The following HMGXB4 variants were observed in gnomAD, a reference collection of about 807,000 sequenced individuals.
HMGXB4 encodes the protein HMG-box containing 4.
HMGXB4 carries 27 observed loss-of-function variants against 63.9 expected under a neutral mutation model. The observed-to-expected ratio is 0.42, with a 90% CI of 0.31 to 0.58. HMGXB4 has a LOEUF of 0.58. HMGXB4 is among the 20% of genes least tolerant of loss of function. HMGXB4 has a pLI of 0.13. For missense variants in HMGXB4, 624 were observed against 700.7 expected (o/e 0.89, Z 1.24); for synonymous variants, 264 against 265.3 (o/e 0.99, Z 0.05).
At chr22:35,267,208 C>CA (rs1923318752) in intron 5 of HMGXB4, among the ~76,000 whole-genome samples, 2 of 149,386 alleles carry the variant, frequency 1.3e-5, no homozygotes, top group South Asian at 4.2e-4. Flanking sequence ...CTGTTTATCT[C>CA]AAAAAAACCA....
In HMGXB4 at chr22:35,257,536, G is replaced by T. The variant is rs574340435; in HGVS notation, c.-90G>T. 6.5e-6 allele frequency: 1 copy of T among 152,888 alleles called. No individual in the cohort carries two copies. Among genetic ancestry groups the T allele is most frequent in the Non-Finnish European group, 1.5e-5 (1 of 68,256 alleles). The allele number at this position is 152,888 out of a possible 1,614,324, so 9.5% of individuals were successfully genotyped here. On this transcript the variant is annotated 5_prime_UTR_variant, in exon 1 of 11. Transcript: ENST00000216106. Reference sequence around the variant, plus strand: ...GCGGCGATCGGCGGCGTTGAGGCGGGATCCGGGCGAGCCGAGTGAAGGTAG... The same window carrying T: ...GCGGCGATCGGCGGCGTTGAGGCGGTATCCGGGCGAGCCGAGTGAAGGTAG...
intron 5 of HMGXB4, among the ~76,000 whole-genome samples, chr22:35,275,106 ATTTCTTTTT>A (rs1569000862): frequency 8.4e-6 from 1 of 119,338 alleles, no homozygotes; most frequent in Non-Finnish European, 1.7e-5. Flanking sequence ...ACATCACCAA[ATTTCTTTTT>A]TTTTTTTTTT....
intron 6 of HMGXB4, among the ~76,000 whole-genome samples, chr22:35,284,629 C>T (rs556137915): frequency 2.6e-4 from 39 of 152,306 alleles, no homozygotes; most frequent in African/African-American, 8.7e-4. Context: ...GTATTGAATA[C>T]TGTACTGAAA....
chr22:35,256,262 C>G (rs1002264587), upstream of HMGXB4, among the ~76,000 whole-genome samples: 3 of 152,174 alleles, frequency 2.0e-5, no homozygotes, highest in African/African-American at 7.2e-5. Context: ...GGAAAATACA[C>G]TAGGACAGAG....
intron 6 of HMGXB4, among the ~76,000 whole-genome samples, chr22:35,285,520 G>A (rs1279316628): frequency 6.6e-6 from 1 of 152,276 alleles, no homozygotes; most frequent in East Asian, 1.9e-4. Flanking sequence ...ACTCCAGCCT[G>A]GGCGACAGAG....
intron 5 of HMGXB4, among the ~76,000 whole-genome samples, chr22:35,270,575 C>A (rs1923546175): frequency 6.6e-6 from 1 of 152,178 alleles, no homozygotes; most frequent in African/African-American, 2.4e-5. Flanking sequence ...AGGTTGAGGA[C>A]CGCTGACCTA....
chr22:35,281,478 A>G (rs1485830227), intron 5 of HMGXB4, among the ~76,000 whole-genome samples: 2 of 152,202 alleles, frequency 1.3e-5, no homozygotes, highest in Admixed American at 6.5e-5. Context: ...ATTTGGATCT[A>G]TAGTATATTG....
chr22:35,286,201 G>A (rs1924567319), intron 7 of HMGXB4, 140 bp downstream of exon 7: 3 of 642,334 alleles, frequency 4.7e-6, no homozygotes, highest in Admixed American at 6.1e-5. Context: ...TTTAGCAGAG[G>A]ACATTAACAC....
chr22:35,273,045 A>G (rs1923704382), intron 5 of HMGXB4, among the ~76,000 whole-genome samples: 1 of 152,220 alleles, frequency 6.6e-6, no homozygotes, highest in Admixed American at 6.5e-5. Context: ...AGGGCCAGGT[A>G]GCCTAATGCC....
intron 5 of HMGXB4, among the ~76,000 whole-genome samples, chr22:35,266,598 A>T (rs1362565861): frequency 6.6e-6 from 1 of 152,226 alleles, no homozygotes; most frequent in Non-Finnish European, 1.5e-5. Flanking sequence ...CTATGTCATT[A>T]AAAGTTTCTT....
intron 4 of HMGXB4, chr22:35,264,181 G>C: frequency 1.3e-6 from 1 of 777,592 alleles, no homozygotes. Context: ...GTAGTCCTCT[G>C]GCCTGCACCT....
Position 35,263,290 on chromosome 22 carries a change from G to GT in HMGXB4, c.180+73dup, listed in dbSNP as rs1033488738. On this transcript the variant is annotated intron_variant, in intron 3 of 10. Coordinates refer to ENST00000216106, the MANE Select transcript of HMGXB4 (RefSeq NM_001003681.3). ...ACTCATTTTTTTTTGGTGATGCAGA[G>GT]TTTTTTTTTGTTTTTTTTTTTTTTC... 1,171 of 984,160 alleles carry GT rather than the reference G, an allele frequency of 1.2e-3. 1 individual carries two copies. Among genetic ancestry groups the GT allele is most frequent in the South Asian group, 2.3e-3 (142 of 61,056 alleles). The allele number at this position is 984,160 out of a possible 1,614,324, so 61.0% of individuals were successfully genotyped here. A position where few individuals can be genotyped will look rare whatever the true frequency, so the allele number is the denominator to read the frequency against.
At chr22:35,284,901 G>T (rs1924471566) in intron 6 of HMGXB4, among the ~76,000 whole-genome samples, 1 of 152,200 alleles carries the variant, frequency 6.6e-6, no homozygotes, top group Non-Finnish European at 1.5e-5. Flanking sequence ...TGCAGTGTTA[G>T]GCACACATGA....
intron 9 of HMGXB4, among the ~76,000 whole-genome samples, chr22:35,291,004 C>T (rs1220504850): frequency 1.3e-5 from 2 of 152,170 alleles, no homozygotes; most frequent in African/African-American, 4.8e-5. Context: ...TTGCTTGTTC[C>T]TGTAATCCCA....
the HMGXB4 span, among the ~76,000 whole-genome samples, chr22:35,250,689 CA>C: frequency 6.6e-6 from 1 of 152,048 alleles, no homozygotes; most frequent in Admixed American, 6.6e-5. Context: ...TCAGCTTACA[CA>C]AAGGGGAGTG....
intron 9 of HMGXB4, among the ~76,000 whole-genome samples, chr22:35,291,884 C>T (rs909794573): frequency 1.3e-5 from 2 of 152,130 alleles, no homozygotes; most frequent in Non-Finnish European, 2.9e-5. Flanking sequence ...TCTTACTGTA[C>T]TGCTGCCCTC....
intron 5 of HMGXB4, among the ~76,000 whole-genome samples, chr22:35,283,043 G>A (rs1280226357): frequency 6.6e-6 from 1 of 152,152 alleles, no homozygotes; most frequent in Non-Finnish European, 1.5e-5. Flanking sequence ...CATGCCTCAG[G>A]TAGTACAGAG....
At chr22:35,253,454 T>C (rs1922272493), upstream of HMGXB4, among the ~76,000 whole-genome samples, 1 of 152,218 alleles carries the variant, frequency 6.6e-6, no homozygotes, top group African/African-American at 2.4e-5. Context: ...GGGACATTTA[T>C]TATTTGTCTT....
At chr22:35,244,930 G>A in the HMGXB4 span, among the ~76,000 whole-genome samples, 1 of 152,168 alleles carries the variant, frequency 6.6e-6, no homozygotes, top group African/African-American at 2.4e-5. Context: ...TTATGTTCAA[G>A]TACAGTTTCT....
Sources: gnomAD v4.1 joint callset for allele counts (sites outside exome capture counted in the v4.1 genomes callset) on GRCh38, gnomAD v4.1.1 for gene constraint, MANE v1.5 for transcripts, NCBI Gene and HGNC (gene_info 2026-07-23, HGNC 2026-07-21) for gene names.